NEDD4: variants seen among roughly 807,000 people sequenced by gnomAD.
NEDD4 encodes the protein NEDD4 E3 ubiquitin protein ligase.
A neutral mutation model predicts 144.9 loss-of-function variants in NEDD4; 99 were observed. The ratio of observed to expected loss-of-function variants is 0.68; its 90% CI spans 0.58 to 0.81. The LOEUF (loss-of-function observed/expected upper bound fraction) is 0.81. Ranked by LOEUF, NEDD4 falls within the 30% of genes least tolerant of loss-of-function variation. The probability of loss-of-function intolerance (pLI) is 0.00; values close to 1 mark genes in which losing one functional copy is unlikely to be tolerated. For missense variants in NEDD4, 985 were observed against 1,065.9 expected (o/e 0.92, Z 1.06); for synonymous variants, 318 against 350.6 (o/e 0.91, Z 1.04).
rs549171704 is a variant in NEDD4, at chr15:55,949,691, T to C, written c.237+1685A>G. Among the ~76,000 whole-genome samples, 3 of 152,258 alleles carry C rather than the reference T, an allele frequency of 2.0e-5. No homozygotes were observed. The East Asian group carries it at 5.8e-4, about 29-fold the overall frequency. On this transcript the variant is annotated intron_variant, in intron 4 of 28. Transcript: ENST00000435532. Reference sequence around the variant, plus strand: ...CTGGAAACCATCATTCTCAGCAAACTGTCGCAGGGACAAAAAACCAAACAC... The same window carrying C: ...CTGGAAACCATCATTCTCAGCAAACCGTCGCAGGGACAAAAAACCAAACAC...
intron 5 of NEDD4, among the ~76,000 whole-genome samples, chr15:55,897,520 C>A (rs891084553): frequency 2.6e-5 from 4 of 152,144 alleles, no homozygotes; most frequent in Non-Finnish European, 4.4e-5. Context: ...TTCTTAAAGT[C>A]CCACTTTGCC....
At chr15:55,861,225 A>C (rs62043763) in intron 9 of NEDD4, among the ~76,000 whole-genome samples, 16,975 of 152,168 alleles carry the variant, frequency 0.11, 998 homozygotes, top group Middle Eastern at 0.16. Flanking sequence ...GGAGTAGAGT[A>C]CTCCATGCAT....
intron 12 of NEDD4, 31 bp downstream of exon 12, chr15:55,856,100 T>G: frequency 1.3e-6 from 2 of 1,580,654 alleles, no homozygotes; most frequent in Non-Finnish European, 1.7e-6. Flanking sequence ...TTTTATATTT[T>G]TATTGATTGA....
At chr15:55,936,790 C>G (rs2136386) in intron 4 of NEDD4, among the ~76,000 whole-genome samples, 12,389 of 146,010 alleles carry the variant, frequency 0.085, 635 homozygotes, top group Middle Eastern at 0.17. Flanking sequence ...TTTGCTATTT[C>G]TTTTCTTTTT....
At chr15:55,830,460 G>A (rs2032894930) in intron 28 of NEDD4, 54 bp downstream of exon 28, 1 of 1,484,468 alleles carries the variant, frequency 6.7e-7, no homozygotes, top group Non-Finnish European at 9.4e-7. Flanking sequence ...TAGACTAACA[G>A]AGGAATCTCA....
chr15:55,982,576 G>A (rs1420391116), intron 1 of NEDD4, among the ~76,000 whole-genome samples: 1 of 152,196 alleles, frequency 6.6e-6, no homozygotes. Flanking sequence ...TGCCTATAGA[G>A]AGTAGACGGG....
In NEDD4 at chr15:55,830,972, A is replaced by C. The variant is rs1271532400; in HGVS notation, c.2528-386T>G. 2.0e-5 allele frequency among the ~76,000 whole-genome samples: 3 copies of C among 152,150 alleles called. 1 individual carries two copies. The South Asian group carries it at 6.2e-4, about 32-fold the overall frequency. ...TTCACTCTGTCACCCAGGCTGAAGT[A>C]AAATGGCATGATCTCGGCTCAATGC... On this transcript the variant is annotated intron_variant, in intron 27 of 28. Coordinates refer to ENST00000435532, the MANE Select transcript of NEDD4 (RefSeq NM_006154.4).
At chr15:55,965,085 C>A (rs1284388560) in intron 2 of NEDD4, among the ~76,000 whole-genome samples, 1 of 152,066 alleles carries the variant, frequency 6.6e-6, no homozygotes, top group African/African-American at 2.4e-5. Flanking sequence ...ACCAAATCAA[C>A]CTCTTTTCTT....
At chr15:55,953,354 A>C (rs2037279290) in intron 2 of NEDD4, among the ~76,000 whole-genome samples, 1 of 151,980 alleles carries the variant, frequency 6.6e-6, no homozygotes, top group African/African-American at 2.4e-5. Flanking sequence ...TCTTTATTTC[A>C]TACAGATCAC....
rs111412940 is a variant in NEDD4 at position 55,900,323 on chromosome 15, T to C, written c.291+24323A>G. Among the ~76,000 whole-genome samples the C allele has an allele frequency of 6.6e-5, 10 of 152,320 alleles. 1 individual carries two copies. Among genetic ancestry groups the C allele is most frequent in the Non-Finnish European group, 1.2e-4 (8 of 68,026 alleles). ...CCCAGAAATACTGAAGAGCACTTTA[T>C]AGCTGCTTGGGATCTTTTATGAGAA... On this transcript the variant is annotated intron_variant, in intron 5 of 28. Coordinates refer to ENST00000435532, the MANE Select transcript of NEDD4 (RefSeq NM_006154.4).
rs142651788 is a variant in NEDD4 at position 55,875,371 on chromosome 15, G to C, written c.292-1363C>G. ...GTCACCCTAGCTGGAGTGCAGTGGT[G>C]CAATCACAGCTAACTGCAACCTCTA... On this transcript the variant is annotated intron_variant, in intron 5 of 28. Transcript: ENST00000435532. 4.6e-3 allele frequency among the ~76,000 whole-genome samples: 701 copies of C among 152,256 alleles called. 6 individuals are homozygous for C. Among genetic ancestry groups the C allele is most frequent in the African/African-American group, 0.016 (661 of 41,550 alleles).
At chr15:55,969,159 A>G (rs1236139859) in intron 1 of NEDD4, among the ~76,000 whole-genome samples, 1 of 152,174 alleles carries the variant, frequency 6.6e-6, no homozygotes, top group Non-Finnish European at 1.5e-5. Flanking sequence ...GGGACTTTGC[A>G]TTGGAACTCA....
chr15:55,967,961 CCA>C (rs1396471315), intron 1 of NEDD4, among the ~76,000 whole-genome samples: 2 of 152,052 alleles, frequency 1.3e-5, no homozygotes, highest in Non-Finnish European at 2.9e-5. Context: ...GCTATGAACA[CCA>C]CTGCACTCCA....
chr15:55,959,368 A>C (rs1287350246), intron 2 of NEDD4, among the ~76,000 whole-genome samples: 1 of 152,152 alleles, frequency 6.6e-6, no homozygotes, highest in Non-Finnish European at 1.5e-5. Context: ...AACATCCTCT[A>C]TATGATTTCA....
At chr15:55,900,424 T>A (rs2035876919) in intron 5 of NEDD4, among the ~76,000 whole-genome samples, 1 of 152,186 alleles carries the variant, frequency 6.6e-6, no homozygotes, top group African/African-American at 2.4e-5. Flanking sequence ...CTGGTGAAGC[T>A]TAGGAAACTC....
At chr15:55,925,077 A>G (rs1213377288) in intron 4 of NEDD4, among the ~76,000 whole-genome samples, 11 of 152,202 alleles carry the variant, frequency 7.2e-5, no homozygotes, top group African/African-American at 2.7e-4. Flanking sequence ...CAAGAAAAAC[A>G]AAACAAAACA....
intron 8 of NEDD4, among the ~76,000 whole-genome samples, chr15:55,864,660 C>T (rs1377305845): frequency 7.4e-6 from 1 of 135,644 alleles, no homozygotes; most frequent in East Asian, 2.2e-4. Context: ...CCAGCCTGGA[C>T]AACAAGAGTG....
At chr15:55,839,999 A>AAAATATATAT (rs1566901067) in intron 21 of NEDD4, among the ~76,000 whole-genome samples, 1 of 26,138 alleles carries the variant, frequency 3.8e-5, no homozygotes, top group Non-Finnish European at 6.8e-5. Context: ...AAAAAAAAAA[A>AAAATATATAT]ATATATATAT....
chr15:55,881,968 G>T lies in NEDD4; in HGVS notation c.292-7960C>A, dbSNP rs564874433. Among the ~76,000 whole-genome samples, 6 of 152,218 alleles carry T rather than the reference G, an allele frequency of 3.9e-5. No individual in the cohort carries two copies. The East Asian group carries it at 1.2e-3, about 29-fold the overall frequency. On this transcript the variant is annotated intron_variant, in intron 5 of 28. Transcript: ENST00000435532. ...TTATAACAACCAAAAACATTTTCTG[G>T]CTTTGTCAAATATCCCCTGGGTGGC...
Sources: allele counts gnomAD v4.1 joint callset (sites outside exome capture counted in the v4.1 genomes callset), GRCh38; gene constraint gnomAD v4.1.1; transcripts MANE v1.5; gene names NCBI Gene and HGNC (gene_info 2026-07-23, HGNC 2026-07-21).